The following PCDH9 variants were observed in gnomAD, a reference collection of about 807,000 sequenced individuals.
PCDH9 encodes protocadherin-9.
PCDH9 carries 24 observed loss-of-function variants against 70.6 expected under a neutral mutation model. The observed-to-expected ratio is 0.34, with a 90% CI of 0.25 to 0.48. The LOEUF (loss-of-function observed/expected upper bound fraction) is 0.48. Among genes scored for constraint, PCDH9 ranks in the 20% least tolerant of loss-of-function variants. The probability of loss-of-function intolerance (pLI) is 0.99; values close to 1 mark genes in which losing one functional copy is unlikely to be tolerated. For synonymous variants in PCDH9, 562 were observed against 558.5 expected, an observed-to-expected ratio of 1.01 and a Z score of -0.09; for missense variants, 1,281 against 1,503.6, an observed-to-expected ratio of 0.85 and a Z score of 2.45.
intron 4 of PCDH9, among the ~76,000 whole-genome samples, chr13:66,350,142 T>C (rs533853904): frequency 1.3e-5 from 2 of 152,232 alleles, no homozygotes; most frequent in East Asian, 3.9e-4. Context: ...TCCACACTCA[T>C]ATTTCAAGTC....
intron 4 of PCDH9, among the ~76,000 whole-genome samples, chr13:66,439,522 A>G (rs1196528832): frequency 1.3e-5 from 2 of 152,322 alleles, no homozygotes; most frequent in African/African-American, 4.8e-5. Flanking sequence ...TTCACTCTGT[A>G]TACATATATC....
Position 67,043,745 on chromosome 13 carries a change from G to A in PCDH9, c.3037-140140C>T, listed in dbSNP as rs182127982. Among the ~76,000 whole-genome samples, 150 of 152,192 alleles carry A rather than the reference G, an allele frequency of 9.9e-4. 1 individual carries two copies. Among genetic ancestry groups the A allele is most frequent in the Non-Finnish European group, 1.7e-3 (117 of 68,002 alleles). On this transcript the variant is annotated intron_variant, in intron 2 of 4. Coordinates refer to ENST00000377865, the MANE Select transcript of PCDH9 (RefSeq NM_203487.3). ...ATCTGGTGGTTTAAAATGGCCAGCC[G>A]AGCTCTGTAGTGGCTTCATCAGAAA...
At chr13:67,184,695 C>A (rs982761546) in intron 2 of PCDH9, among the ~76,000 whole-genome samples, 12 of 152,290 alleles carry the variant, frequency 7.9e-5, no homozygotes, top group Admixed American at 2.6e-4. Flanking sequence ...CGCACCACTG[C>A]ATTCCAGCCT....
intron 4 of PCDH9, among the ~76,000 whole-genome samples, chr13:66,492,538 A>C (rs1164977763): frequency 6.6e-6 from 1 of 150,726 alleles, no homozygotes. Flanking sequence ...GGTTCAATAA[A>C]GGAATGATGA....
chr13:66,454,245 A>T (rs1224365006), intron 4 of PCDH9, among the ~76,000 whole-genome samples: 1 of 152,202 alleles, frequency 6.6e-6, no homozygotes, highest in Non-Finnish European at 1.5e-5. Context: ...GCTACATAAC[A>T]TTTATATCTG....
At chr13:66,684,442 G>A (rs188581129) in intron 3 of PCDH9, among the ~76,000 whole-genome samples, 13 of 152,222 alleles carry the variant, frequency 8.5e-5, no homozygotes, top group South Asian at 4.1e-4. Context: ...CCCATGTGTT[G>A]TAGGAAGAAC....
At chr13:66,404,896 A>C (rs752375900) in intron 4 of PCDH9, among the ~76,000 whole-genome samples, 1 of 152,154 alleles carries the variant, frequency 6.6e-6, no homozygotes, top group Non-Finnish European at 1.5e-5. Flanking sequence ...ATTCCTGCTT[A>C]TAACATACTG....
At chr13:66,996,291 G>A (rs1012058676) in intron 2 of PCDH9, 1 of 151,964 alleles carries the variant, frequency 6.6e-6, no homozygotes, top group Non-Finnish European at 1.5e-5. Context: ...AGTGAGTACA[G>A]ACAAGTAATA....
At chr13:66,932,718 T>C (rs998517745) in intron 2 of PCDH9, among the ~76,000 whole-genome samples, 4 of 145,140 alleles carry the variant, frequency 2.8e-5, no homozygotes, top group African/African-American at 7.9e-5. Flanking sequence ...CATACATACA[T>C]ATGTATTTAT....
At chr13:66,363,077 G>T (rs369262497) in intron 4 of PCDH9, among the ~76,000 whole-genome samples, 1 of 152,104 alleles carries the variant, frequency 6.6e-6, no homozygotes, top group Non-Finnish European at 1.5e-5. Flanking sequence ...TACTCAGGAG[G>T]CTGAGGCTTT....
intron 3 of PCDH9, among the ~76,000 whole-genome samples, chr13:66,686,638 T>C (rs1201687196): frequency 6.6e-6 from 1 of 152,216 alleles, no homozygotes; most frequent in Non-Finnish European, 1.5e-5. Context: ...TCTGTGTGAA[T>C]AAAAGTGTAT....
chr13:67,195,331 A>T (rs146865089), intron 2 of PCDH9, among the ~76,000 whole-genome samples: 1 of 151,830 alleles, frequency 6.6e-6, no homozygotes, highest in East Asian at 1.9e-4. Flanking sequence ...TTTTAGTAGA[A>T]ACGGCGTTTC....
At chr13:66,375,893 A>G (rs1956737683) in intron 4 of PCDH9, among the ~76,000 whole-genome samples, 1 of 152,114 alleles carries the variant, frequency 6.6e-6, no homozygotes, top group African/African-American at 2.4e-5. Context: ...TAATTAAAGC[A>G]AAAAACAACA....
At position 66,634,227 on chromosome 13, in the gene PCDH9, C is replaced by T. The variant is rs79547997; in HGVS notation, c.3139-2816G>A. Among the ~76,000 whole-genome samples the T allele has an allele frequency of 4.2e-3, 636 of 152,274 alleles. 19 individuals carry two copies. In the East Asian group the frequency reaches 0.081, roughly 19 times the overall value. On this transcript the variant is annotated intron_variant, in intron 3 of 4. Transcript: ENST00000377865. ...CTTAATTGGCAGATTTGTGCACAATCTATCAGTCTGATGGGAGGGAGAGTG... is the reference window on the plus strand; with the variant it reads ...CTTAATTGGCAGATTTGTGCACAATTTATCAGTCTGATGGGAGGGAGAGTG...
At chr13:66,556,977 T>G (rs995439186) in intron 4 of PCDH9, among the ~76,000 whole-genome samples, 1 of 152,062 alleles carries the variant, frequency 6.6e-6, no homozygotes, top group African/African-American at 2.4e-5. Context: ...GATAAAGGAG[T>G]TATCAGAGCT....
intron 4 of PCDH9, among the ~76,000 whole-genome samples, chr13:66,629,257 T>C (rs991257649): frequency 2.6e-5 from 4 of 151,982 alleles, no homozygotes; most frequent in African/African-American, 9.6e-5. Context: ...GTTTTTTAAA[T>C]GGGACTCTTT....
At chr13:67,039,270 A>G (rs2085066252) in intron 2 of PCDH9, among the ~76,000 whole-genome samples, 1 of 152,130 alleles carries the variant, frequency 6.6e-6, no homozygotes, top group Non-Finnish European at 1.5e-5. Flanking sequence ...GCCCAGGTGA[A>G]CCCAAAATGC....
chr13:67,227,055 T>C lies in PCDH9; in HGVS notation c.1386A>G (p.Glu462=), dbSNP rs149946815. Residue 462 remains glutamate, a synonymous_variant, in exon 2 of 5, where the codon GAA becomes GAG. Transcript: ENST00000377865. This position sits in a 1 kb window ranked among gnomAD's most constrained non-coding sequence, Gnocchi z 4.6. ...TALVRVKLED[E]NDNPPIFNQP... ...GGTTGAAAATTGGTGGGTTGTCATT[T>C]TCATCCTCAAGCTTAACCCTTACCA... 3.6e-5 allele frequency: 58 copies of C among 1,614,074 alleles called. 1 individual carries two copies. Among genetic ancestry groups the C allele is most frequent in the Non-Finnish European group, 4.6e-5 (54 of 1,180,034 alleles).
rs190684312 is a variant in PCDH9 at position 67,175,414 on chromosome 13, T to G, written c.3036+49991A>C. Among the ~76,000 whole-genome samples the G allele has an allele frequency of 3.3e-5, 5 of 152,288 alleles. No individual in the cohort carries two copies. The East Asian group carries it at 9.7e-4, about 29-fold the overall frequency. ...CAATATTCTCACACATAAACCACCT[T>G]AACTACCTACAGAAACACTACAAGC... On this transcript the variant is annotated intron_variant, in intron 2 of 4. Transcript: ENST00000377865.
Sources: gnomAD v4.1 joint callset for allele counts (sites outside exome capture counted in the v4.1 genomes callset) on GRCh38, gnomAD v4.1.1 for gene constraint, Gnocchi (gnomAD v3.1) non-coding constraint, MANE v1.5 for transcripts, NCBI Gene and HGNC (gene_info 2026-07-23, HGNC 2026-07-21) for gene names.